Variants in RASD2 observed in about 807,000 individuals in gnomAD.
RASD2 encodes RASD family member 2.
Under a neutral mutation model 15.8 loss-of-function variants are expected in RASD2, and 7 were observed. The observed-to-expected ratio is 0.44, with a 90% confidence interval of 0.25 to 0.83. The LOEUF (loss-of-function observed/expected upper bound fraction) is 0.83. Ranked by LOEUF, RASD2 falls within the 40% of genes least tolerant of loss-of-function variation. The pLI, the probability that RASD2 is intolerant of heterozygous loss-of-function variation, is 0.20. For synonymous variants in RASD2, 155 were observed against 153.6 expected, an observed-to-expected ratio of 1.01 and a Z score of -0.07; for missense variants, 274 against 382.8, an observed-to-expected ratio of 0.72 and a Z score of 2.37.
intron 1 of RASD2, 37 bp from the exon 2 acceptor site, chr22:35,546,764 G>A (rs1353796170): frequency 1.3e-6 from 2 of 1,596,498 alleles, no homozygotes; most frequent in Admixed American, 1.7e-5. Flanking sequence ...GCCAGGTCGG[G>A]GGGGCCCTGA....
intron 2 of RASD2, among the ~76,000 whole-genome samples, chr22:35,549,209 C>T (rs924322038): frequency 2.0e-5 from 3 of 152,244 alleles, no homozygotes; most frequent in Admixed American, 2.0e-4. Context: ...GCCTTCCGGG[C>T]CTCCGTGACT....
rs1934687401 is a variant in RASD2, at chr22:35,552,118, C to T, written c.*86C>T. The T allele has an allele frequency of 1.4e-6, 2 of 1,474,352 alleles. No individual in the cohort carries two copies. Among genetic ancestry groups the T allele is most frequent in the Admixed American group, 2.0e-5 (1 of 49,138 alleles). The allele number at this position is 1,474,352 out of a possible 1,614,324, so 91.3% of individuals were successfully genotyped here. On this transcript the variant is annotated 3_prime_UTR_variant, in exon 3 of 3. Transcript: ENST00000216127. ...CTGTGCGCATCTCCCCACCGAGGCCCCGGCAGCAGTCTTGTTCACAGACCT... is the reference window on the plus strand; with the variant it reads ...CTGTGCGCATCTCCCCACCGAGGCCTCGGCAGCAGTCTTGTTCACAGACCT...
At position 35,552,001 on chromosome 22, in the gene RASD2, C is replaced by A. The variant is rs765542669; in HGVS notation, c.770C>A (p.Ala257Asp). Residue 257 changes from alanine (A) to aspartate (D), a missense_variant, in exon 3 of 3, where the codon GCC (alanine) becomes GAC (aspartate). Ala to Asp is a moderately radical substitution (Grantham distance 126, BLOSUM62 -2). Coordinates refer to ENST00000216127, the MANE Select transcript of RASD2 (RefSeq NM_014310.4). ...GCCAAGGTCCTTCGGGAAGGCCAGG[C>A]CCGTGAGAGGGACAAGTGCACCATC... is the stretch of plus-strand genomic sequence containing the variant. ...IKAKVLREGQ[A>D]RERDKCTIQ 6.3e-7 allele frequency: 1 copy of A among 1,599,802 alleles called. No individual in the cohort carries two copies. The highest frequency in any genetic ancestry group is 1.1e-5 in the South Asian group (1 of 91,074).
intron 2 of RASD2, among the ~76,000 whole-genome samples, chr22:35,547,549 T>TA (rs1472738057): frequency 1.3e-5 from 2 of 152,194 alleles, no homozygotes; most frequent in East Asian, 3.8e-4. Flanking sequence ...GTCATGGTCA[T>TA]AGTGATGGTG....
At chr22:35,543,271 G>A (rs1934399255) in intron 1 of RASD2, among the ~76,000 whole-genome samples, 1 of 152,152 alleles carries the variant, frequency 6.6e-6, no homozygotes, top group Admixed American at 6.5e-5. Flanking sequence ...CTGTGATGGG[G>A]TCAGTAGTCA....
intron 1 of RASD2, among the ~76,000 whole-genome samples, chr22:35,545,892 G>A (rs1934488768): frequency 6.6e-6 from 1 of 152,126 alleles, no homozygotes; most frequent in Admixed American, 6.5e-5. Context: ...GCCTGGTGGA[G>A]CCTGCGGGTT....
chr22:35,534,531 A>AT, the RASD2 span, among the ~76,000 whole-genome samples: 1 of 152,170 alleles, frequency 6.6e-6, no homozygotes, highest in African/African-American at 2.4e-5. Context: ...AATGGTCTTC[A>AT]TTGTGATTGC....
chr22:35,539,396 G>C (rs146081209), upstream of RASD2, among the ~76,000 whole-genome samples: 114 of 152,308 alleles, frequency 7.5e-4, no homozygotes, highest in African/African-American at 2.7e-3. Flanking sequence ...ATCTGGGTTG[G>C]GGGTGAGGCT....
intron 1 of RASD2, among the ~76,000 whole-genome samples, chr22:35,545,314 G>C (rs1338178834): frequency 1.3e-5 from 2 of 152,212 alleles, no homozygotes; most frequent in African/African-American, 4.8e-5. Flanking sequence ...GTGTTGGAAA[G>C]CGCCTTGGGT....
At chr22:35,540,209 G>A (rs1934305576), upstream of RASD2, among the ~76,000 whole-genome samples, 1 of 152,262 alleles carries the variant, frequency 6.6e-6, no homozygotes, top group African/African-American at 2.4e-5. Flanking sequence ...GGCCGAGTGG[G>A]CAGGCGGCCG....
chr22:35,547,542 A>G (rs1159604097), intron 2 of RASD2, among the ~76,000 whole-genome samples: 2 of 152,248 alleles, frequency 1.3e-5, no homozygotes, highest in Non-Finnish European at 2.9e-5. Flanking sequence ...GGGCTTGGTC[A>G]TGGTCATAGT....
intron 2 of RASD2, among the ~76,000 whole-genome samples, chr22:35,548,214 G>A (rs549964525): frequency 6.6e-6 from 1 of 152,330 alleles, no homozygotes; most frequent in Admixed American, 6.5e-5. Flanking sequence ...GCACCTGGGT[G>A]TGAGCCCTGG....
upstream of RASD2, among the ~76,000 whole-genome samples, chr22:35,536,152 T>G (rs1444362010): frequency 1.3e-5 from 2 of 152,196 alleles, no homozygotes; most frequent in Admixed American, 1.3e-4. Flanking sequence ...CAGCTGAGCT[T>G]ATGCAGCTGG....
chr22:35,551,354 G>T lies in RASD2; in HGVS notation c.272-149G>T, dbSNP rs1934659185. The T allele has an allele frequency of 4.0e-6, 3 of 750,260 alleles. No individual in the cohort carries two copies. The Admixed American group carries it at 7.1e-5, about 18-fold the overall frequency. 46.5% of individuals were successfully genotyped at this position (750,260 alleles called of 1,614,324 possible). On this transcript the variant is annotated intron_variant, in intron 2 of 2. Coordinates refer to ENST00000216127, the MANE Select transcript of RASD2 (RefSeq NM_014310.4). This position sits in a 1 kb window ranked among gnomAD's most constrained non-coding sequence, Gnocchi z 4.9. The stretch of plus-strand genomic sequence containing the variant: ...GGAGAATAATCGCAGCTACCCCGAA[G>T]AGTCGCTGTGTAGGTTAAAGCAGTT...
upstream of RASD2, among the ~76,000 whole-genome samples, chr22:35,536,027 A>G (rs897236772): frequency 4.6e-5 from 7 of 152,130 alleles, no homozygotes; most frequent in African/African-American, 1.7e-4. Context: ...CTCCCATGTC[A>G]TTGCCAGTCT....
At position 35,547,179 on chromosome 22, in the gene RASD2, G is replaced by A. The variant is rs1327950830; in HGVS notation, c.271+99G>A. On this transcript the variant is annotated intron_variant, in intron 2 of 2. Transcript: ENST00000216127. Reference sequence around the variant, plus strand: ...GTTTGCATAGACTTGCATAGCCATCGTCTGAGACAGGCGTCATCCCTGCAC... The same window carrying A: ...GTTTGCATAGACTTGCATAGCCATCATCTGAGACAGGCGTCATCCCTGCAC... 2.6e-5 allele frequency: 35 copies of A among 1,352,256 alleles called. 1 individual carries two copies. In the South Asian group the frequency reaches 3.3e-4, roughly 13 times the overall value. The allele number at this position is 1,352,256 out of a possible 1,614,324, so 83.8% of individuals were successfully genotyped here. A position where few individuals can be genotyped will look rare whatever the true frequency, so the allele number is the denominator to read the frequency against.
chr22:35,550,705 C>T (rs950666945), intron 2 of RASD2, among the ~76,000 whole-genome samples: 7 of 152,214 alleles, frequency 4.6e-5, no homozygotes, highest in East Asian at 1.9e-4. Context: ...GTGCCAGGCA[C>T]GAGCTAGGTG....
rs773156408 is a variant in RASD2, at chr22:35,551,738, C to T, written c.507C>T (p.Phe169=). 5.0e-6 allele frequency: 8 copies of T among 1,613,932 alleles called. No individual in the cohort carries two copies. Among genetic ancestry groups the T allele is most frequent in the East Asian group, 4.5e-5 (2 of 44,848 alleles). ...LVSGDENCAY[F]EVSAKKNTNV... ...CGGGCGACGAGAACTGCGCCTACTT[C>T]GAGGTGTCGGCCAAGAAGAACACCA... Residue 169 remains phenylalanine (F), a synonymous_variant, in exon 3 of 3, where the codon TTC becomes TTT. Coordinates refer to ENST00000216127, the MANE Select transcript of RASD2 (RefSeq NM_014310.4). The surrounding 1 kb of genome is among the most constrained non-coding windows in gnomAD (Gnocchi z 4.9).
At chr22:35,536,563 G>A (rs760965885), upstream of RASD2, among the ~76,000 whole-genome samples, 13 of 152,276 alleles carry the variant, frequency 8.5e-5, no homozygotes, top group Non-Finnish European at 4.4e-5. Context: ...ATGACCTTGC[G>A]ATCTGCCTGC....
Sources: gnomAD v4.1 joint callset for allele counts (sites outside exome capture counted in the v4.1 genomes callset) on GRCh38, gnomAD v4.1.1 for gene constraint, Gnocchi (gnomAD v3.1) non-coding constraint, MANE v1.5 for transcripts, NCBI Gene and HGNC (gene_info 2026-07-23, HGNC 2026-07-21) for gene names.